KAZN: variants seen among roughly 807,000 people sequenced by gnomAD.
KAZN encodes kazrin, periplakin interacting protein, also known as kazrin.
In KAZN, 40 loss-of-function variants were observed where a neutral mutation model predicts 87.4. The ratio of observed to expected loss-of-function variants is 0.46; its 90% CI spans 0.36 to 0.60. The LOEUF is 0.60. KAZN is among the 20% of genes least tolerant of loss of function. The pLI, the probability that KAZN is intolerant of heterozygous loss-of-function variation, is 0.00. For missense variants in KAZN, 898 were observed against 1,073.9 expected (o/e 0.84, Z 2.29); for synonymous variants, 466 against 458.3 (o/e 1.02, Z -0.22).
chr1:14,816,957 G>C (rs1364243529), intron 1 of KAZN, among the ~76,000 whole-genome samples: 1 of 152,142 alleles, frequency 6.6e-6, no homozygotes, highest in Non-Finnish European at 1.5e-5. Flanking sequence ...GAGTTAAGTA[G>C]TATCATTTCT....
At chr1:14,334,634 G>A (rs1657098931) in intron 2 of KAZN, among the ~76,000 whole-genome samples, 3 of 152,224 alleles carry the variant, frequency 2.0e-5, no homozygotes, top group Non-Finnish European at 2.9e-5. Context: ...GGCAGGATTA[G>A]GAGCAGAAGA....
chr1:14,126,487 A>G (rs1485660798), intron 1 of KAZN, among the ~76,000 whole-genome samples: 2 of 152,200 alleles, frequency 1.3e-5, no homozygotes, highest in Non-Finnish European at 2.9e-5. Context: ...TCTAAATCCA[A>G]GCTTCAGATG....
At chr1:14,695,902 A>G (rs1641578442) in intron 1 of KAZN, among the ~76,000 whole-genome samples, 1 of 152,210 alleles carries the variant, frequency 6.6e-6, no homozygotes, top group East Asian at 1.9e-4. Flanking sequence ...CTTGATTTAT[A>G]CAGAAGGTGT....
chr1:15,072,245 G>A (rs369913269), intron 8 of KAZN, among the ~76,000 whole-genome samples: 9 of 152,198 alleles, frequency 5.9e-5, no homozygotes, highest in African/African-American at 1.9e-4. Flanking sequence ...TATTCTCTGT[G>A]ATTTGTAACA....
chr1:14,925,627 T>A (rs1659086521), intron 1 of KAZN, among the ~76,000 whole-genome samples: 1 of 152,158 alleles, frequency 6.6e-6, no homozygotes. Flanking sequence ...TCCAAAGTCT[T>A]AGCACCATAA....
At chr1:15,032,053 T>C (rs967203093) in intron 2 of KAZN, among the ~76,000 whole-genome samples, 2 of 152,040 alleles carry the variant, frequency 1.3e-5, no homozygotes, top group Admixed American at 1.3e-4. Flanking sequence ...TGAACATTTT[T>C]ACCACCTCAA....
chr1:14,929,123 G>A (rs763537899), intron 1 of KAZN, among the ~76,000 whole-genome samples: 27 of 152,264 alleles, frequency 1.8e-4, no homozygotes, highest in Non-Finnish European at 3.5e-4. Context: ...AATTGGACAG[G>A]AATCTGTGTG....
At chr1:14,992,972 T>C (rs1469999966) in intron 2 of KAZN, among the ~76,000 whole-genome samples, 2 of 144,136 alleles carry the variant, frequency 1.4e-5, no homozygotes, top group East Asian at 2.0e-4. Flanking sequence ...AATTTTATGA[T>C]AGGTATATTT....
intron 10 of KAZN, among the ~76,000 whole-genome samples, chr1:15,095,935 C>T (rs1038196781): frequency 6.6e-6 from 1 of 152,156 alleles, no homozygotes; most frequent in Non-Finnish European, 1.5e-5. Context: ...CGACTCAGAG[C>T]AAGAAGGTGC....
In KAZN at chr1:14,650,087, G is replaced by C. The variant is rs192359011; in HGVS notation, c.226+50864G>C. Among the ~76,000 whole-genome samples the C allele has an allele frequency of 6.0e-3, 814 of 134,892 alleles. 6 individuals carry two copies. The highest frequency in any genetic ancestry group is 8.8e-3 in the Middle Eastern group (2 of 228). The allele number at this position is 134,892 out of a possible 152,430, so 88.5% of individuals were successfully genotyped here. ...GATAAGGAAACTAAAGCCCAGAGAAGTTTAGTAATTTTCCCATAGTCACAC... is the reference window on the plus strand; with the variant it reads ...GATAAGGAAACTAAAGCCCAGAGAACTTTAGTAATTTTCCCATAGTCACAC... On this transcript the variant is annotated intron_variant, in intron 1 of 14. Coordinates refer to ENST00000376030, the MANE Select transcript of KAZN (RefSeq NM_201628.3).
chr1:14,400,784 G>A (rs1158718353), intron 2 of KAZN, among the ~76,000 whole-genome samples: 2 of 152,144 alleles, frequency 1.3e-5, no homozygotes, highest in Admixed American at 1.3e-4. Flanking sequence ...AGCACTTCTT[G>A]TAGAAGAACA....
chr1:14,667,225 A>C (rs1572176996), intron 1 of KAZN, among the ~76,000 whole-genome samples: 1 of 152,312 alleles, frequency 6.6e-6, no homozygotes, highest in East Asian at 1.9e-4. Context: ...AGATGAGGAA[A>C]GTGAAGCATA....
intron 1 of KAZN, among the ~76,000 whole-genome samples, chr1:13,952,317 C>A (rs1641376361): frequency 6.7e-6 from 1 of 148,398 alleles, no homozygotes; most frequent in Non-Finnish European, 1.5e-5. Flanking sequence ...TGCTTGGAGT[C>A]TTAGGTATAA....
At chr1:14,381,858 G>A (rs1196534877) in intron 2 of KAZN, among the ~76,000 whole-genome samples, 1 of 152,114 alleles carries the variant, frequency 6.6e-6, no homozygotes, top group Non-Finnish European at 1.5e-5. Context: ...GAAATAAAGA[G>A]CATCCAAATT....
chr1:14,867,003 G>A (rs1368530104), intron 1 of KAZN, among the ~76,000 whole-genome samples: 1 of 152,246 alleles, frequency 6.6e-6, no homozygotes, highest in Non-Finnish European at 1.5e-5. Flanking sequence ...CAGAAAAGAA[G>A]CAGGATGCTA....
intron 7 of KAZN, 80 bp downstream of exon 7, chr1:15,063,702 C>CCA (rs1341853223): frequency 4.2e-6 from 5 of 1,181,576 alleles, no homozygotes; most frequent in Non-Finnish European, 6.3e-6. Flanking sequence ...TCCCCTGAGC[C>CCA]CACATCCATG....
chr1:14,600,666 CAAAAAAAAA>C (rs59840012), intron 1 of KAZN, among the ~76,000 whole-genome samples: 47,848 of 118,628 alleles, frequency 0.4, 8,513 homozygotes, highest in East Asian at 0.5. Flanking sequence ...GGAACCTGTG[CAAAAAAAAA>C]AAAAAAAAAA....
At chr1:14,772,455 G>T (rs1169329182) in intron 1 of KAZN, among the ~76,000 whole-genome samples, 2 of 151,686 alleles carry the variant, frequency 1.3e-5, no homozygotes, top group African/African-American at 4.8e-5. Flanking sequence ...TGACATTCTA[G>T]CCTGGGTGAC....
At chr1:14,706,477 T>C (rs957697274) in intron 1 of KAZN, among the ~76,000 whole-genome samples, 4 of 151,878 alleles carry the variant, frequency 2.6e-5, no homozygotes, top group African/African-American at 7.3e-5. Context: ...AAAGAAGACA[T>C]TGAATGTTCC....
Sources: allele counts gnomAD v4.1 joint callset (sites outside exome capture counted in the v4.1 genomes callset), GRCh38; gene constraint gnomAD v4.1.1; transcripts MANE v1.5; gene names NCBI Gene and HGNC (gene_info 2026-07-23, HGNC 2026-07-21).